Variants in TNIK observed in about 807,000 individuals in gnomAD.
TNIK encodes TRAF2 and NCK interacting kinase, also known as TRAF2 and NCK-interacting protein kinase.
In TNIK, 49 loss-of-function variants were observed where a neutral mutation model predicts 191.3. That is an observed-to-expected ratio of 0.26 (90% confidence interval 0.20 to 0.32). TNIK has a LOEUF of 0.32. Among genes scored for constraint, TNIK ranks in the 10% least tolerant of loss-of-function variants. The pLI is 1.00. For synonymous variants in TNIK, 594 were observed against 600.9 expected (o/e 0.99, Z 0.17); for missense variants, 1,155 against 1,702.3 (o/e 0.68, Z 5.66).
chr3:171,077,702 C>G (rs1201833038), intron 28 of TNIK, among the ~76,000 whole-genome samples: 1 of 152,036 alleles, frequency 6.6e-6, no homozygotes, highest in Non-Finnish European at 1.5e-5. Context: ...TCTGAATGAG[C>G]TTGTTGACTG....
chr3:171,308,949 GA>G (rs1029921216), intron 2 of TNIK, among the ~76,000 whole-genome samples: 23 of 152,148 alleles, frequency 1.5e-4, no homozygotes, highest in South Asian at 2.1e-4. Flanking sequence ...ACTGCTGGTG[GA>G]AATGTAAATT....
At chr3:171,351,156 G>A (rs933369638) in intron 2 of TNIK, among the ~76,000 whole-genome samples, 4 of 151,866 alleles carry the variant, frequency 2.6e-5, no homozygotes, top group Admixed American at 6.6e-5. Context: ...CTCCCAAAGC[G>A]CTAGGATTAC....
intron 1 of TNIK, among the ~76,000 whole-genome samples, chr3:171,419,982 G>A (rs1232440540): frequency 6.6e-6 from 1 of 152,132 alleles, no homozygotes; most frequent in Non-Finnish European, 1.5e-5. Flanking sequence ...TTTGTGACTC[G>A]AGAAGAGGCA....
intron 1 of TNIK, among the ~76,000 whole-genome samples, chr3:171,393,264 T>C (rs1719806392): frequency 6.6e-6 from 1 of 152,080 alleles, no homozygotes; most frequent in African/African-American, 2.4e-5. Context: ...AATCTCGCGG[T>C]CAGTGCAGAC....
intron 1 of TNIK, among the ~76,000 whole-genome samples, chr3:171,421,166 T>C (rs76417556): frequency 0.04 from 6,043 of 152,232 alleles, 413 homozygotes; most frequent in African/African-American, 0.14. Context: ...GCATATTAGT[T>C]CTACATAAAC....
Position 171,067,466 on chromosome 3 carries a change from C to T in TNIK, c.3700-731G>A, listed in dbSNP as rs567898025. On this transcript the variant is annotated intron_variant, in intron 30 of 32. Transcript: ENST00000436636. Reference sequence around the variant, plus strand: ...CGGGCGGATCACGACGTCAGGAGATCGAGACCATCCTGGCTAACACGATGA... The same window carrying T: ...CGGGCGGATCACGACGTCAGGAGATTGAGACCATCCTGGCTAACACGATGA... Among the ~76,000 whole-genome samples, 8 of 151,862 alleles carry T rather than the reference C, an allele frequency of 5.3e-5. No individual in the cohort carries two copies. In the East Asian group the frequency reaches 7.8e-4, roughly 15 times the overall value.
intron 18 of TNIK, among the ~76,000 whole-genome samples, chr3:171,112,448 T>G: frequency 6.6e-6 from 1 of 150,902 alleles, no homozygotes; most frequent in East Asian, 1.9e-4. Flanking sequence ...AAAGCTTTCT[T>G]ACAAACATTT....
intron 2 of TNIK, among the ~76,000 whole-genome samples, chr3:171,315,044 C>G (rs1037632688): frequency 6.6e-6 from 1 of 152,184 alleles, no homozygotes; most frequent in African/African-American, 2.4e-5. Context: ...CAAACCCCCC[C>G]TCCTGCTTTA....
At position 171,227,592 on chromosome 3, in the gene TNIK, T is replaced by G. The variant is rs186089443; in HGVS notation, c.180+573A>C. Among the ~76,000 whole-genome samples, 380 of 152,306 alleles carry G rather than the reference T, an allele frequency of 2.5e-3. 1 individual carries two copies. Among genetic ancestry groups the G allele is most frequent in the African/African-American group, 8.4e-3 (349 of 41,566 alleles). On this transcript the variant is annotated intron_variant, in intron 3 of 32. Transcript: ENST00000436636. Reference sequence around the variant, plus strand: ...TATTCACTCTAACTACATAAGGCAGTGTGTAGGTATCAAATTTAATTAGAG... The same window carrying G: ...TATTCACTCTAACTACATAAGGCAGGGTGTAGGTATCAAATTTAATTAGAG...
intron 1 of TNIK, among the ~76,000 whole-genome samples, chr3:171,415,998 G>GAAAAAAAAAAAA (rs58082222): frequency 1.2e-5 from 1 of 86,674 alleles, no homozygotes; most frequent in African/African-American, 4.9e-5. Flanking sequence ...AAAAAAAAAA[G>GAAAAAAAAAAAA]AAAGAAAAAG....
At chr3:171,369,538 T>C in intron 2 of TNIK, 82 bp downstream of exon 2, 1 of 1,066,610 alleles carries the variant, frequency 9.4e-7, no homozygotes, top group Non-Finnish European at 1.3e-6. Context: ...GAGCCATTTA[T>C]GAGCCAGTAT....
chr3:171,268,267 G>A (rs1237168739), intron 2 of TNIK, among the ~76,000 whole-genome samples: 2 of 152,058 alleles, frequency 1.3e-5, no homozygotes, highest in Non-Finnish European at 1.5e-5. Context: ...CAAGAGTCCT[G>A]ACAAGTTGGT....
intron 2 of TNIK, among the ~76,000 whole-genome samples, chr3:171,289,170 A>G (rs1019092896): frequency 6.6e-6 from 1 of 152,186 alleles, no homozygotes; most frequent in Non-Finnish European, 1.5e-5. Flanking sequence ...AAAATGGTGA[A>G]TGTCCCAAAT....
At chr3:171,248,183 A>G (rs1013176077) in intron 2 of TNIK, among the ~76,000 whole-genome samples, 3 of 152,216 alleles carry the variant, frequency 2.0e-5, no homozygotes, top group Non-Finnish European at 4.4e-5. Context: ...ATACCTGTCC[A>G]ATGGCTCCAG....
At chr3:171,373,759 G>T (rs1191322869) in intron 1 of TNIK, among the ~76,000 whole-genome samples, 1 of 152,096 alleles carries the variant, frequency 6.6e-6, no homozygotes. Context: ...TCAGCTCTTG[G>T]TTCATACTGC....
chr3:171,198,089 AG>A (rs1738923748), intron 4 of TNIK, among the ~76,000 whole-genome samples: 1 of 152,232 alleles, frequency 6.6e-6, no homozygotes, highest in South Asian at 2.1e-4. Flanking sequence ...AGCCATGGAA[AG>A]GAATGAAATA....
intron 2 of TNIK, among the ~76,000 whole-genome samples, chr3:171,360,020 A>C (rs1479296982): frequency 6.6e-6 from 1 of 152,212 alleles, no homozygotes; most frequent in Non-Finnish European, 1.5e-5. Context: ...GTTATTTGGC[A>C]ACTCATTGAT....
intron 2 of TNIK, among the ~76,000 whole-genome samples, chr3:171,283,454 T>G (rs1750694822): frequency 1.3e-5 from 2 of 152,174 alleles, no homozygotes; most frequent in Non-Finnish European, 2.9e-5. Flanking sequence ...AATTTCAAAC[T>G]TTGGTGCTAA....
At chr3:171,220,563 G>A (rs887643299) in intron 3 of TNIK, among the ~76,000 whole-genome samples, 2 of 152,080 alleles carry the variant, frequency 1.3e-5, no homozygotes, top group Non-Finnish European at 2.9e-5. Context: ...GCAGCATAAA[G>A]GAAAGGACGG....
Sources: gnomAD v4.1 joint callset for allele counts (sites outside exome capture counted in the v4.1 genomes callset) on GRCh38, gnomAD v4.1.1 for gene constraint, MANE v1.5 for transcripts, NCBI Gene and HGNC (gene_info 2026-07-23, HGNC 2026-07-21) for gene names.